The following WDPCP variants were observed in gnomAD, a reference collection of about 807,000 sequenced individuals.
WDPCP encodes WD repeat containing planar cell polarity effector, also known as WD repeat-containing and planar cell polarity effector protein fritz homolog.
In WDPCP, 71 loss-of-function variants were observed where a neutral mutation model predicts 93.1. The observed-to-expected ratio is 0.76, with a 90% CI of 0.63 to 0.93. The LOEUF is 0.93. WDPCP is among the 40% of genes least tolerant of loss of function. The pLI is 0.00. For synonymous variants in WDPCP, 315 were observed against 315.0 expected, an observed-to-expected ratio of 1.00 and a Z score of 0.00; for missense variants, 844 against 887.4, an observed-to-expected ratio of 0.95 and a Z score of 0.62.
intron 1 of WDPCP, among the ~76,000 whole-genome samples, chr2:63,581,150 C>A (rs952846328): frequency 3.3e-5 from 5 of 152,112 alleles, no homozygotes; most frequent in Non-Finnish European, 5.9e-5. Flanking sequence ...AGAAGGCATA[C>A]AAAGCTGTCT....
chr2:63,809,774 C>CGGAAGG (rs1184637095), intron 2 of WDPCP, among the ~76,000 whole-genome samples: 5 of 152,078 alleles, frequency 3.3e-5, no homozygotes, highest in Admixed American at 6.5e-5. Context: ...ACAAACACTG[C>CGGAAGG]GGAAGGCCGC....
At chr2:63,808,328 CCCCTCTCCCCTCTCCCCACGGTCT>C in intron 2 of WDPCP, among the ~76,000 whole-genome samples, 2 of 146,896 alleles carry the variant, frequency 1.4e-5, no homozygotes, top group South Asian at 4.5e-4. Flanking sequence ...TCTCCCCTCT[CCCCTCTCCCCTCTCCCCACGGTCT>C]CCCTCTCCCT....
chr2:63,645,978 G>C lies in WDPCP; in HGVS notation n.488+4681C>G, dbSNP rs144359886. ...TCAGCCACTCTATGTCTTTTGATTG[G>C]AGAGTTTAGTTCATTTACATTCATT... is the stretch of plus-strand genomic sequence containing the variant. On this transcript the variant is annotated intron_variant and non_coding_transcript_variant, in intron 3 of 4. Transcript: ENST00000467687. 5.1e-3 allele frequency among the ~76,000 whole-genome samples: 772 copies of C among 152,086 alleles called. 9 individuals are homozygous for C. Among genetic ancestry groups the C allele is most frequent in the African/African-American group, 0.018 (738 of 41,474 alleles).
At chr2:63,783,959 G>A (rs1161932527) in intron 2 of WDPCP, among the ~76,000 whole-genome samples, 5 of 152,122 alleles carry the variant, frequency 3.3e-5, no homozygotes, top group Non-Finnish European at 7.4e-5. Flanking sequence ...CCCTGACTTA[G>A]CCAAATCCCA....
intron 1 of WDPCP, among the ~76,000 whole-genome samples, chr2:63,535,959 C>T (rs1426497719): frequency 6.6e-6 from 1 of 152,154 alleles, no homozygotes; most frequent in African/African-American, 2.4e-5. Context: ...TTGCAGTCTA[C>T]GCATCTGACA....
At chr2:63,125,954 A>C (rs1481069449) in intron 17 of WDPCP, among the ~76,000 whole-genome samples, 1 of 117,386 alleles carries the variant, frequency 8.5e-6, no homozygotes, top group Non-Finnish European at 1.7e-5. Flanking sequence ...TTTTTTTTTG[A>C]GATAAGGTCT....
At chr2:63,345,511 G>A (rs1689129170) in intron 12 of WDPCP, among the ~76,000 whole-genome samples, 1 of 152,136 alleles carries the variant, frequency 6.6e-6, no homozygotes, top group Non-Finnish European at 1.5e-5. Flanking sequence ...AAGACTGAGT[G>A]CTATTTACAG....
chr2:63,272,509 A>C (rs1285092860), intron 13 of WDPCP, among the ~76,000 whole-genome samples: 1 of 152,250 alleles, frequency 6.6e-6, no homozygotes, highest in Non-Finnish European at 1.5e-5. Flanking sequence ...AATGAAAAAG[A>C]AATCTGTAAA....
At chr2:63,448,466 A>G (rs1418473614) in intron 6 of WDPCP, among the ~76,000 whole-genome samples, 1 of 128,718 alleles carries the variant, frequency 7.8e-6, no homozygotes, top group African/African-American at 3.0e-5. Context: ...ACACACACAC[A>G]CACCCTTAAT....
chr2:63,637,420 G>GAAA (rs11435282), intron 3 of WDPCP, among the ~76,000 whole-genome samples: 21 of 99,216 alleles, frequency 2.1e-4, no homozygotes, highest in African/African-American at 4.5e-4. Flanking sequence ...GGCTACAACA[G>GAAA]AAAAAAAAAA....
Position 63,174,778 on chromosome 2 carries a change from A to G in WDPCP, c.1970T>C (p.Leu657Pro), listed in dbSNP as rs772783589. The G allele has an allele frequency of 3.1e-6, 5 of 1,613,878 alleles. No homozygotes were observed. In the South Asian group the frequency reaches 5.5e-5, roughly 18 times the overall value. Residue 657 changes from leucine to proline, a missense_variant, in exon 15 of 18, where the codon CTG becomes CCG. Physicochemically the swap from Leu to Pro is moderately conservative, Grantham distance 98. Transcript: ENST00000272321. ...GTCTTCTCCTTGAGGTGCTAAAGAC[A>G]GGCCAATAAATGCTTCATTTAGCAT... ...GDMLNEAFIG[L>P]SLAPQGEDSF...
chr2:63,735,494 A>T (rs963057825), intron 2 of WDPCP, among the ~76,000 whole-genome samples: 1 of 152,342 alleles, frequency 6.6e-6, no homozygotes, highest in East Asian at 1.9e-4. Flanking sequence ...CAGACAGTGC[A>T]AGGTCTTGGA....
In WDPCP at chr2:63,142,426, C is replaced by A. The variant is rs146772300; in HGVS notation, c.2190+10488G>T. Among the ~76,000 whole-genome samples the A allele has an allele frequency of 5.1e-3, 782 of 152,208 alleles. 2 individuals are homozygous for A. The highest frequency in any genetic ancestry group is 8.0e-3 in the Non-Finnish European group (547 of 68,000). ...CATTCAGGAGGACGTTATTTAATTT[C>A]TATGTATTTGTATGGTTCTGAAGGT... is the stretch of plus-strand genomic sequence containing the variant. On this transcript the variant is annotated intron_variant, in intron 17 of 17. Coordinates refer to ENST00000272321, the MANE Select transcript of WDPCP (RefSeq NM_015910.7).
chr2:63,280,898 C>G (rs1292610415), intron 13 of WDPCP, among the ~76,000 whole-genome samples: 1 of 151,996 alleles, frequency 6.6e-6, no homozygotes, highest in Non-Finnish European at 1.5e-5. Context: ...TCAGAGAAAC[C>G]CTTCTAGACA....
At chr2:63,186,680 C>G (rs1674661554) in intron 14 of WDPCP, among the ~76,000 whole-genome samples, 1 of 152,228 alleles carries the variant, frequency 6.6e-6, no homozygotes, top group Non-Finnish European at 1.5e-5. Context: ...GGGGACTTCA[C>G]TCACAGTTCT....
chr2:63,149,614 G>A lies in WDPCP; in HGVS notation c.2190+3300C>T, dbSNP rs147560556. ...AGAATGAATAAACTGAGTAGTGGAT[G>A]AATAAATTGTATTCAGTCGGTGAAA... On this transcript the variant is annotated intron_variant, in intron 17 of 17. Transcript: ENST00000272321. Among the ~76,000 whole-genome samples, 11 of 152,242 alleles carry A rather than the reference G, an allele frequency of 7.2e-5. No homozygotes were observed. In the South Asian group the frequency reaches 1.0e-3, roughly 14 times the overall value.
chr2:63,386,503 C>T (rs1331018152), intron 10 of WDPCP, among the ~76,000 whole-genome samples: 1 of 151,990 alleles, frequency 6.6e-6, no homozygotes, highest in African/African-American at 2.4e-5. Flanking sequence ...AGTACCACAA[C>T]ACACTTACTA....
chr2:63,305,900 C>T (rs2103833281), intron 13 of WDPCP, among the ~76,000 whole-genome samples: 1 of 152,120 alleles, frequency 6.6e-6, no homozygotes, highest in African/African-American at 2.4e-5. Flanking sequence ...AAGAACTTCA[C>T]AAAGCATACT....
chr2:63,367,418 G>C (rs898545292), intron 12 of WDPCP, among the ~76,000 whole-genome samples: 2 of 152,046 alleles, frequency 1.3e-5, no homozygotes, highest in Admixed American at 6.6e-5. Context: ...TTCTGACTCA[G>C]TAATTCCATT....
Sources: allele counts gnomAD v4.1 joint callset (sites outside exome capture counted in the v4.1 genomes callset), GRCh38; gene constraint gnomAD v4.1.1; transcripts MANE v1.5; gene names NCBI Gene and HGNC (gene_info 2026-07-23, HGNC 2026-07-21).